Variants in HFM1 observed in about 807,000 individuals in gnomAD.
HFM1 encodes the protein helicase for meiosis 1, also known as probable ATP-dependent DNA helicase HFM1.
HFM1 carries 169 observed loss-of-function variants against 192.1 expected under a neutral mutation model. The ratio of observed to expected loss-of-function variants is 0.88; its 90% CI spans 0.78 to 1.00. The LOEUF is 1.00. HFM1 is among the 50% of genes least tolerant of loss of function. HFM1 has a pLI of 0.00. For synonymous variants in HFM1, 525 were observed against 537.8 expected (o/e 0.98, Z 0.33); for missense variants, 1,661 against 1,668.0 (o/e 1.00, Z 0.07).
intron 23 of HFM1, among the ~76,000 whole-genome samples, chr1:91,320,849 AG>A (rs1167200347): frequency 6.6e-6 from 1 of 152,186 alleles, no homozygotes; most frequent in Non-Finnish European, 1.5e-5. Flanking sequence ...CTCAACTAAC[AG>A]GGGCAGAGTT....
intron 13 of HFM1, among the ~76,000 whole-genome samples, chr1:91,366,607 G>A (rs1422167019): frequency 6.6e-6 from 1 of 152,124 alleles, no homozygotes; most frequent in African/African-American, 2.4e-5. Context: ...CCCCATCTTT[G>A]TTTTAAAAAC....
chr1:91,264,357 T>C (rs996357067), intron 36 of HFM1, among the ~76,000 whole-genome samples: 1 of 127,752 alleles, frequency 7.8e-6, no homozygotes, highest in African/African-American at 3.0e-5. Flanking sequence ...ACCACAAATT[T>C]AGTATTTTTT....
At chr1:91,372,807 A>T (rs1660406473) in intron 13 of HFM1, among the ~76,000 whole-genome samples, 1 of 152,144 alleles carries the variant, frequency 6.6e-6, no homozygotes, top group African/African-American at 2.4e-5. Context: ...TCATTTTTTG[A>T]TGGTATTCTT....
At chr1:91,382,296 C>T (rs1316791503) in intron 6 of HFM1, among the ~76,000 whole-genome samples, 1 of 152,106 alleles carries the variant, frequency 6.6e-6, no homozygotes, top group African/African-American at 2.4e-5. Flanking sequence ...CTACTTTTTT[C>T]TTTTCCCATA....
chr1:91,302,732 T>A (rs1468050662), intron 30 of HFM1, among the ~76,000 whole-genome samples: 2 of 129,116 alleles, frequency 1.5e-5, no homozygotes, highest in Non-Finnish European at 3.1e-5. Context: ...AATTGAACAA[T>A]GAGAACACAT....
At chr1:91,363,866 T>C (rs1658871587) in intron 13 of HFM1, among the ~76,000 whole-genome samples, 1 of 152,098 alleles carries the variant, frequency 6.6e-6, no homozygotes, top group Admixed American at 6.5e-5. Context: ...TAAAAAGGAA[T>C]GATATCATGT....
chr1:91,359,086 C>T (rs1658128010), intron 13 of HFM1, among the ~76,000 whole-genome samples: 1 of 152,034 alleles, frequency 6.6e-6, no homozygotes, highest in African/African-American at 2.4e-5. Context: ...AAAAAAGATC[C>T]CATAAAAACC....
At chr1:91,317,282 C>A (rs986144466) in intron 25 of HFM1, among the ~76,000 whole-genome samples, 2 of 151,994 alleles carry the variant, frequency 1.3e-5, no homozygotes, top group Non-Finnish European at 2.9e-5. Flanking sequence ...GGCATGGTGG[C>A]ACATGCCTGT....
intron 13 of HFM1, among the ~76,000 whole-genome samples, chr1:91,353,706 G>C (rs1195546057): frequency 6.9e-6 from 1 of 144,954 alleles, no homozygotes; most frequent in Non-Finnish European, 1.5e-5. Flanking sequence ...CCAGTGCTCT[G>C]AGACATGGCA....
chr1:91,335,650 G>A (rs582855), intron 20 of HFM1, among the ~76,000 whole-genome samples: 152,121 of 152,314 alleles, frequency 1, 75,964 homozygotes, highest in East Asian at 1. Flanking sequence ...ATTCTAACAG[G>A]AAATTCAGGA....
In HFM1 at chr1:91,319,283, T is replaced by C. The variant is rs533918836; in HGVS notation, c.2680+10A>G. 11 of 1,606,390 alleles carry C rather than the reference T, an allele frequency of 6.8e-6. No individual in the cohort carries two copies. The highest frequency in any genetic ancestry group is 1.7e-4 in the Middle Eastern group (1 of 6,042). ...AAAAATATTTAAAATCCACTAATCC[T>C]GTAACATACATCTTGTAATTCGGGA... On this transcript the variant is annotated intron_variant, in intron 24 of 38. Coordinates refer to ENST00000370425, the MANE Select transcript of HFM1 (RefSeq NM_001017975.6).
intron 3 of HFM1, among the ~76,000 whole-genome samples, chr1:91,395,156 T>G (rs1252416357): frequency 6.6e-6 from 1 of 152,116 alleles, no homozygotes; most frequent in Non-Finnish European, 1.5e-5. Context: ...GTGTGCTTGT[T>G]TTTGAGCTTT....
chr1:91,354,754 C>T (rs1308478409), intron 13 of HFM1, among the ~76,000 whole-genome samples: 1 of 152,034 alleles, frequency 6.6e-6, no homozygotes, highest in Non-Finnish European at 1.5e-5. Context: ...AGCTGTTCAT[C>T]AGAAATGAGG....
At chr1:91,335,299 C>G (rs1267153498) in intron 20 of HFM1, among the ~76,000 whole-genome samples, 1 of 152,108 alleles carries the variant, frequency 6.6e-6, no homozygotes, top group African/African-American at 2.4e-5. Context: ...ATAATTACCA[C>G]GAGAACTAGT....
intron 2 of HFM1, 81 bp downstream of exon 2, chr1:91,400,931 C>T: frequency 1.7e-6 from 1 of 591,408 alleles, no homozygotes; most frequent in Non-Finnish European, 3.0e-6. Flanking sequence ...GTATATTTAC[C>T]AGAGAGAAAG....
Position 91,399,999 on chromosome 1 carries a change from G to A in HFM1, c.71+1013C>T, listed in dbSNP as rs563330204. On this transcript the variant is annotated intron_variant, in intron 2 of 38. Coordinates refer to ENST00000370425, the MANE Select transcript of HFM1 (RefSeq NM_001017975.6). ...TTACATGGTCCTATTACTTATTAATGTCTTTCCATTTGTGTGTTTAATCTC... is the reference window on the plus strand; with the variant it reads ...TTACATGGTCCTATTACTTATTAATATCTTTCCATTTGTGTGTTTAATCTC... Among the ~76,000 whole-genome samples, 29 of 152,274 alleles carry A rather than the reference G, an allele frequency of 1.9e-4. No individual in the cohort carries two copies. In the South Asian group the frequency reaches 5.6e-3, roughly 29 times the overall value.
chr1:91,385,649 G>T lies in HFM1; in HGVS notation c.680C>A (p.Ser227Tyr). The T allele has an allele frequency of 6.2e-7, 1 of 1,612,276 alleles. No individual in the cohort carries two copies. Among genetic ancestry groups the T allele is most frequent in the Non-Finnish European group, 8.5e-7 (1 of 1,178,444 alleles). The change falls in exon 5 of 39, where the codon TCT becomes TAT. Residue 227 changes from serine (S) to tyrosine (Y), a missense_variant. Coordinates refer to ENST00000370425, the MANE Select transcript of HFM1 (RefSeq NM_001017975.6). The stretch of plus-strand genomic sequence containing the variant: ...CATGCCTTCTCCGATTTCAGAAGCA[G>T]AAAAAGCATTATTTGCTGTAAACAC... ...ANVFTANNAF[S>Y]ASEIGEGMFK... is the part of the protein sequence containing the mutation.
At chr1:91,385,855 C>A in intron 4 of HFM1, 21 bp from the exon 5 acceptor site, 1 of 1,575,206 alleles carries the variant, frequency 6.3e-7, no homozygotes. Flanking sequence ...AAAAAAGACC[C>A]ACATATTTTC....
chr1:91,362,297 T>C (rs1417196435), intron 13 of HFM1, among the ~76,000 whole-genome samples: 1 of 152,130 alleles, frequency 6.6e-6, no homozygotes, highest in African/African-American at 2.4e-5. Flanking sequence ...GAAAACGTCA[T>C]CTTCTCAGCA....
Sources: allele counts gnomAD v4.1 joint callset (sites outside exome capture counted in the v4.1 genomes callset), GRCh38; gene constraint gnomAD v4.1.1; transcripts MANE v1.5; gene names NCBI Gene and HGNC (gene_info 2026-07-23, HGNC 2026-07-21).